Variants in CFDP1 observed in about 807,000 individuals in gnomAD.
CFDP1 encodes the protein chromatin remodeling protein CFDP1, also known as heterochromatin-stabilizing protein CFDP1.
Under a neutral mutation model 40.1 loss-of-function variants are expected in CFDP1, and 31 were observed. The observed-to-expected ratio is 0.77, with a 90% CI of 0.58 to 1.04. CFDP1 has a LOEUF of 1.04. Ranked by LOEUF, CFDP1 falls within the 50% of genes least tolerant of loss-of-function variation. CFDP1 has a pLI of 0.00. For synonymous variants in CFDP1, 167 were observed against 120.0 expected (o/e 1.39, Z -2.56); for missense variants, 423 against 343.4 (o/e 1.23, Z -1.83).
intron 1 of CFDP1, among the ~76,000 whole-genome samples, chr16:75,425,977 A>G (rs1219027870): frequency 1.5e-5 from 2 of 133,436 alleles, no homozygotes; most frequent in Non-Finnish European, 3.1e-5. Context: ...CGGAGGTTGC[A>G]GCGAGCTGAG....
chr16:75,329,439 TA>T lies in CFDP1; in HGVS notation c.651-24258del, dbSNP rs376017094. 4.9e-3 allele frequency among the ~76,000 whole-genome samples: 743 copies of T among 150,726 alleles called. 8 individuals are homozygous for T. The highest frequency in any genetic ancestry group is 0.016 in the South Asian group (74 of 4,770). On this transcript the variant is annotated intron_variant, in intron 5 of 6. Transcript: ENST00000283882. ...TTATGCATCCGTGTGACTTTGATGT[TA>T]AAAAAAAAATCCGTGATAACCAGTT...
intron 5 of CFDP1, among the ~76,000 whole-genome samples, chr16:75,390,518 A>G (rs192916222): frequency 7.4e-4 from 113 of 152,330 alleles, no homozygotes; most frequent in African/African-American, 2.7e-3. Context: ...ATTCTGCTAA[A>G]AATCCCCAGC....
Position 75,400,906 on chromosome 16 carries a change from A to G in CFDP1, c.531-5697T>C, listed in dbSNP as rs377606784. On this transcript the variant is annotated intron_variant, in intron 4 of 6. Coordinates refer to ENST00000283882, the MANE Select transcript of CFDP1 (RefSeq NM_006324.3). ...CTAATATGAATCTCATAAAAACAGA[A>G]AATAGGGGGAAGTTGTCAACAATAA... is the stretch of plus-strand genomic sequence containing the variant. Among the ~76,000 whole-genome samples, 20 of 152,292 alleles carry G rather than the reference A, an allele frequency of 1.3e-4. 3 individuals carry two copies. The highest frequency in any genetic ancestry group is 6.5e-4 in the Admixed American group (10 of 15,298).
chr16:75,294,043 C>CT lies in CFDP1; in HGVS notation c.810-2dup, dbSNP rs780247990. 1 of 1,611,008 alleles carries CT rather than the reference C, an allele frequency of 6.2e-7. No individual in the cohort carries two copies. The highest frequency in any genetic ancestry group is 1.1e-5 in the South Asian group (1 of 91,026). Reference sequence around the variant, plus strand: ...AAGGAAGGCTTTCCGTTCAATGTACCTAGAAGATGAAAACAGTGTTTGTCA... The same window carrying CT: ...AAGGAAGGCTTTCCGTTCAATGTACCTTAGAAGATGAAAACAGTGTTTGTCA... On this transcript the variant is annotated splice_acceptor_variant, in intron 6 of 6. Coordinates refer to ENST00000283882, the MANE Select transcript of CFDP1 (RefSeq NM_006324.3). LOFTEE classifies it high-confidence loss of function.
At chr16:75,310,598 G>A (rs2078288582) in intron 5 of CFDP1, among the ~76,000 whole-genome samples, 1 of 152,194 alleles carries the variant, frequency 6.6e-6, no homozygotes, top group African/African-American at 2.4e-5. Context: ...CTGTCACAGA[G>A]ATATTATGGT....
At chr16:75,357,055 G>A (rs1195133651) in intron 5 of CFDP1, among the ~76,000 whole-genome samples, 1 of 151,612 alleles carries the variant, frequency 6.6e-6, no homozygotes, top group African/African-American at 2.4e-5. Flanking sequence ...TGGGACTACA[G>A]TCGTGTGCCA....
intron 5 of CFDP1, among the ~76,000 whole-genome samples, chr16:75,349,069 C>T (rs1667467940): frequency 6.6e-6 from 1 of 152,080 alleles, no homozygotes; most frequent in South Asian, 2.1e-4. Context: ...GATGGAGTCT[C>T]TGTTGATCAG....
At chr16:75,409,918 T>C (rs8057849) in intron 4 of CFDP1, among the ~76,000 whole-genome samples, 78,651 of 151,656 alleles carry the variant, frequency 0.52, 21,456 homozygotes, top group Admixed American at 0.64. Context: ...TTTTGTTCCA[T>C]ACCATTTGTA....
chr16:75,428,668 G>GA (rs2079371110), intron 1 of CFDP1, among the ~76,000 whole-genome samples: 1 of 135,684 alleles, frequency 7.4e-6, no homozygotes, highest in Non-Finnish European at 1.6e-5. Flanking sequence ...GGGAGAGAAA[G>GA]AAAAAAAAGA....
chr16:75,329,077 G>A, intron 5 of CFDP1, among the ~76,000 whole-genome samples: 1 of 152,086 alleles, frequency 6.6e-6, no homozygotes, highest in Non-Finnish European at 1.5e-5. Context: ...TCGAACTCCT[G>A]ACCTCAGGTG....
chr16:75,409,450 G>A (rs972879897), intron 4 of CFDP1: 3 of 151,962 alleles, frequency 2.0e-5, no homozygotes, highest in African/African-American at 7.3e-5. Context: ...GAGGCAGTAG[G>A]GTATCTGTCG....
At chr16:75,357,787 A>C (rs949445480) in intron 5 of CFDP1, among the ~76,000 whole-genome samples, 1 of 152,192 alleles carries the variant, frequency 6.6e-6, no homozygotes, top group Admixed American at 6.5e-5. Context: ...TTGTGCGTTC[A>C]CTGGAGTAGC....
At chr16:75,428,751 A>T (rs1326274671) in intron 1 of CFDP1, among the ~76,000 whole-genome samples, 1 of 152,134 alleles carries the variant, frequency 6.6e-6, no homozygotes, top group African/African-American at 2.4e-5. Context: ...TTATAGGAAA[A>T]AAAAGTTCTC....
At chr16:75,432,853 G>C (rs142719557) in intron 1 of CFDP1, among the ~76,000 whole-genome samples, 53 of 152,296 alleles carry the variant, frequency 3.5e-4, no homozygotes, top group Middle Eastern at 3.4e-3. Context: ...CTTTCTATCA[G>C]AACTTTCTAA....
intron 4 of CFDP1, among the ~76,000 whole-genome samples, chr16:75,396,906 T>TTTTG (rs757874287): frequency 6.6e-6 from 1 of 152,010 alleles, no homozygotes; most frequent in African/African-American, 2.4e-5. Context: ...TTTTCTTGTT[T>TTTTG]TTTGTTTGTT....
intron 5 of CFDP1, among the ~76,000 whole-genome samples, chr16:75,310,035 C>T (rs949335751): frequency 6.6e-6 from 1 of 152,152 alleles, no homozygotes; most frequent in Non-Finnish European, 1.5e-5. Context: ...CACTTGCTCA[C>T]CCAGATTACA....
intron 5 of CFDP1, chr16:75,306,333 A>T (rs4888379): frequency 0.5 from 76,748 of 151,984 alleles, 20,778 homozygotes; most frequent in Admixed American, 0.66. Flanking sequence ...TATCACCCTA[A>T]CCCATTCTGA....
At chr16:75,397,541 G>A (rs977783896) in intron 4 of CFDP1, among the ~76,000 whole-genome samples, 2 of 150,700 alleles carry the variant, frequency 1.3e-5, no homozygotes, top group African/African-American at 2.4e-5. Flanking sequence ...AGTGGCTCAC[G>A]CCTGTAATCC....
chr16:75,316,170 C>T (rs1285672221), intron 5 of CFDP1, among the ~76,000 whole-genome samples: 2 of 152,322 alleles, frequency 1.3e-5, no homozygotes, highest in African/African-American at 4.8e-5. Flanking sequence ...GCACTAGTGT[C>T]AGGTCAGCCC....
Sources: gnomAD v4.1 joint callset for allele counts (sites outside exome capture counted in the v4.1 genomes callset) on GRCh38, gnomAD v4.1.1 for gene constraint, MANE v1.5 for transcripts, NCBI Gene and HGNC (gene_info 2026-07-23, HGNC 2026-07-21) for gene names.